Variants in FBN1 observed in about 807,000 individuals in gnomAD.
FBN1 encodes the protein fibrillin-1.
A neutral mutation model predicts 365.1 loss-of-function variants in FBN1; 29 were observed. That is an observed-to-expected ratio of 0.08 (90% CI 0.06 to 0.11). FBN1 has a LOEUF of 0.11. Among genes scored for constraint, FBN1 ranks in the 10% least tolerant of loss-of-function variants. The probability of loss-of-function intolerance (pLI) is 1.00; values close to 1 mark genes in which losing one functional copy is unlikely to be tolerated. For missense variants in FBN1, 2,476 were observed against 3,703.2 expected, an observed-to-expected ratio of 0.67 and a Z score of 8.60; for synonymous variants, 1,210 against 1,270.5, an observed-to-expected ratio of 0.95 and a Z score of 1.01.
chr15:48,525,259 G>A (rs369908163), intron 9 of FBN1, among the ~76,000 whole-genome samples: 3 of 151,992 alleles, frequency 2.0e-5, no homozygotes, highest in Non-Finnish European at 4.4e-5. Context: ...GCAAATTTTT[G>A]TATTTTTAGT....
chr15:48,440,482 T>C (rs2043104012), intron 50 of FBN1, among the ~76,000 whole-genome samples: 2 of 152,194 alleles, frequency 1.3e-5, no homozygotes, highest in South Asian at 4.1e-4. Context: ...GAGTAGGAGT[T>C]AGAATTTATC....
intron 6 of FBN1, among the ~76,000 whole-genome samples, chr15:48,557,694 T>A (rs1415962475): frequency 6.6e-6 from 1 of 152,080 alleles, no homozygotes; most frequent in African/African-American, 2.4e-5. Context: ...AACGATGAGA[T>A]GAAGGTTAAA....
chr15:48,467,331 T>A (rs2043331050), intron 38 of FBN1, among the ~76,000 whole-genome samples: 1 of 152,154 alleles, frequency 6.6e-6, no homozygotes, highest in African/African-American at 2.4e-5. Context: ...AAAAAAAGAA[T>A]CCATACCTAT....
intron 31 of FBN1, among the ~76,000 whole-genome samples, chr15:48,483,111 T>C (rs1184397001): frequency 6.6e-6 from 1 of 152,160 alleles, no homozygotes; most frequent in African/African-American, 2.4e-5. Context: ...TACCAGTCAC[T>C]CAATGAAGCA....
intron 6 of FBN1, among the ~76,000 whole-genome samples, chr15:48,539,495 A>G (rs1242006852): frequency 1.3e-5 from 2 of 152,218 alleles, no homozygotes; most frequent in African/African-American, 4.8e-5. Flanking sequence ...TAGTAGTCAC[A>G]TATTAATTTT....
Position 48,466,585 on chromosome 15 carries a change from C to T in FBN1, c.4748-727G>A, listed in dbSNP as rs371592988. On this transcript the variant is annotated intron_variant, in intron 38 of 65. Transcript: ENST00000316623. ...TGAGGAGCTATAAGATCAGTTCTTT[C>T]ATAATGTCATGGTCTGTCCAGATCT... Among the ~76,000 whole-genome samples, 6 of 152,310 alleles carry T rather than the reference C, an allele frequency of 3.9e-5. No individual in the cohort carries two copies. The East Asian group carries it at 9.6e-4, about 24-fold the overall frequency.
chr15:48,537,258 T>G (rs1886957104), intron 7 of FBN1, among the ~76,000 whole-genome samples: 1 of 151,972 alleles, frequency 6.6e-6, no homozygotes, highest in South Asian at 2.1e-4. Context: ...GAAAAAAAAT[T>G]AAGAAAAACA....
At chr15:48,430,637 G>A in intron 56 of FBN1, 34 bp downstream of exon 56, 1 of 1,612,480 alleles carries the variant, frequency 6.2e-7, no homozygotes, top group African/African-American at 1.3e-5. Flanking sequence ...CACTTCTGAT[G>A]CACTCAAAGC....
intron 64 of FBN1, 140 bp downstream of exon 64, chr15:48,415,396 G>A (rs2042894269): frequency 1.4e-6 from 1 of 715,294 alleles, no homozygotes; most frequent in Admixed American, 2.3e-5. Flanking sequence ...TAAAACTTTT[G>A]CCAAGCTAAC....
chr15:48,413,646 C>A (rs1448657710), intron 64 of FBN1, among the ~76,000 whole-genome samples: 1 of 152,160 alleles, frequency 6.6e-6, no homozygotes, highest in African/African-American at 2.4e-5. Context: ...TTAAAAGAAT[C>A]TTTATTTGGG....
At chr15:48,571,244 C>G (rs2044303555) in intron 6 of FBN1, among the ~76,000 whole-genome samples, 1 of 152,118 alleles carries the variant, frequency 6.6e-6, no homozygotes, top group African/African-American at 2.4e-5. Flanking sequence ...ATCCATCCAC[C>G]ACTGATAGCA....
intron 8 of FBN1, among the ~76,000 whole-genome samples, chr15:48,532,140 C>A (rs2141351117): frequency 6.6e-6 from 1 of 152,284 alleles, no homozygotes; most frequent in Admixed American, 6.5e-5. Context: ...TCTGTCTAGT[C>A]CACATCCATA....
chr15:48,487,832 A>G (rs1415127745), intron 27 of FBN1, among the ~76,000 whole-genome samples: 1 of 152,138 alleles, frequency 6.6e-6, no homozygotes, highest in Non-Finnish European at 1.5e-5. Context: ...AGGGACCTCT[A>G]CTACAGCTTC....
chr15:48,474,758 A>G (rs1056177771), intron 32 of FBN1, 108 bp from the exon 33 acceptor site: 2 of 1,410,816 alleles, frequency 1.4e-6, no homozygotes, highest in Admixed American at 1.8e-5. Context: ...CCCATGGTAT[A>G]GTATAGACTG....
chr15:48,581,447 C>T (rs1454395868), intron 6 of FBN1, among the ~76,000 whole-genome samples: 4 of 152,302 alleles, frequency 2.6e-5, no homozygotes, highest in African/African-American at 7.2e-5. Context: ...TTCATTCACA[C>T]ATCCGGATTA....
intron 15 of FBN1, among the ~76,000 whole-genome samples, chr15:48,505,360 A>G (rs989020518): frequency 6.6e-6 from 1 of 152,232 alleles, no homozygotes; most frequent in Admixed American, 6.5e-5. Context: ...TTCCATAAAA[A>G]GTAACTTTAA....
chr15:48,427,535 C>A (rs1021279809), intron 58 of FBN1, 32 bp downstream of exon 58: 7 of 1,593,278 alleles, frequency 4.4e-6, no homozygotes, highest in Non-Finnish European at 6.0e-6. Context: ...AATAGATTCC[C>A]TGCAAGTATT....
chr15:48,495,683 A>C, intron 20 of FBN1, 95 bp from the exon 21 acceptor site: 1 of 1,478,422 alleles, frequency 6.8e-7, no homozygotes, highest in Non-Finnish European at 9.4e-7. Context: ...ACATATCCTT[A>C]ATCCCACACA....
At chr15:48,436,353 C>T (rs1468487847) in intron 53 of FBN1, among the ~76,000 whole-genome samples, 1 of 152,176 alleles carries the variant, frequency 6.6e-6, no homozygotes, top group Non-Finnish European at 1.5e-5. Flanking sequence ...TTCTAATTCA[C>T]ACAGACAAAC....
Sources: gnomAD v4.1 joint callset for allele counts (sites outside exome capture counted in the v4.1 genomes callset) on GRCh38, gnomAD v4.1.1 for gene constraint, MANE v1.5 for transcripts, NCBI Gene and HGNC (gene_info 2026-07-23, HGNC 2026-07-21) for gene names.